CDC42BPA: variants seen among roughly 807,000 people sequenced by gnomAD.
CDC42BPA encodes CDC42 binding protein kinase alpha, also known as serine/threonine-protein kinase MRCK alpha.
A neutral mutation model predicts 223.5 loss-of-function variants in CDC42BPA; 80 were observed. The observed-to-expected ratio is 0.36, with a 90% CI of 0.30 to 0.43. The LOEUF (loss-of-function observed/expected upper bound fraction) is 0.43, where lower values mean the gene tolerates loss of function less well. CDC42BPA is among the 20% of genes least tolerant of loss of function. The pLI, the probability that CDC42BPA is intolerant of heterozygous loss-of-function variation, is 1.00. For missense variants in CDC42BPA, 1,743 were observed against 2,099.9 expected (o/e 0.83, Z 3.32); for synonymous variants, 694 against 718.6 (o/e 0.97, Z 0.55).
Position 227,175,802 on chromosome 1 carries a change from T to C in CDC42BPA, c.600-15166A>G, listed in dbSNP as rs1206732739. ...CAGGGCTCATCTTGTACACTTCCTATCTAGATCTTGAGTCAGCAATTTCTC... is the reference window on the plus strand; with the variant it reads ...CAGGGCTCATCTTGTACACTTCCTACCTAGATCTTGAGTCAGCAATTTCTC... On this transcript the variant is annotated intron_variant, in intron 5 of 36. Coordinates refer to ENST00000366766, the MANE Select transcript of CDC42BPA (RefSeq NM_001394014.1). Among the ~76,000 whole-genome samples the C allele has an allele frequency of 2.0e-5, 3 of 152,168 alleles. No individual in the cohort carries two copies. The East Asian group carries it at 5.8e-4, about 29-fold the overall frequency.
Position 226,994,788 on chromosome 1 carries a change from T to C in CDC42BPA, c.5133+35A>G. On this transcript the variant is annotated intron_variant, in intron 36 of 36. Coordinates refer to ENST00000366766, the MANE Select transcript of CDC42BPA (RefSeq NM_001394014.1). The surrounding 1 kb of genome is among the most constrained non-coding windows in gnomAD (Gnocchi z 4.0). ...GCCTGGGAAGATGCCCTAGTCTTTC[T>C]GATACATGACGTCTCCGGAACCCTG... 3 of 1,570,190 alleles carry C rather than the reference T, an allele frequency of 1.9e-6. No individual in the cohort carries two copies. The highest frequency in any genetic ancestry group is 2.3e-5 in the East Asian group (1 of 44,128).
rs540987563 is a variant in CDC42BPA at position 226,993,611 on chromosome 1, G to C, written c.*657C>G. The C allele has an allele frequency of 2.0e-5, 3 of 152,710 alleles. No individual in the cohort carries two copies. The highest frequency in any genetic ancestry group is 3.9e-4 in the East Asian group (2 of 5,188). The allele number at this position is 152,710 out of a possible 1,614,324, so 9.5% of individuals were successfully genotyped here. A position where few individuals can be genotyped will look rare whatever the true frequency, so the allele number is the denominator to read the frequency against. ...TTTCCACCCTTTACATTACATTACA[G>C]ACAAGAAACAACATATTTCTTTAAA... is the stretch of plus-strand genomic sequence containing the variant. On this transcript the variant is annotated 3_prime_UTR_variant, in exon 37 of 37. Coordinates refer to ENST00000366766, the MANE Select transcript of CDC42BPA (RefSeq NM_001394014.1).
At chr1:227,231,164 C>A (rs543903352) in intron 2 of CDC42BPA, among the ~76,000 whole-genome samples, 1 of 131,622 alleles carries the variant, frequency 7.6e-6, no homozygotes, top group African/African-American at 2.9e-5. Context: ...GGCCCCAGTG[C>A]GTGATGTTCC....
intron 21 of CDC42BPA, among the ~76,000 whole-genome samples, chr1:227,056,783 A>T (rs6696791): frequency 0.032 from 4,804 of 152,268 alleles, 225 homozygotes; most frequent in African/African-American, 0.11. Context: ...ATTGAGAACA[A>T]GTATAAACTC....
At chr1:227,199,360 G>A (rs983050271) in intron 4 of CDC42BPA, among the ~76,000 whole-genome samples, 197 bp downstream of exon 4, 1 of 151,636 alleles carries the variant, frequency 6.6e-6, no homozygotes, top group African/African-American at 2.4e-5. Flanking sequence ...TTATTAAAAA[G>A]CATAAAGAAT....
At position 227,112,843 on chromosome 1, in the gene CDC42BPA, T is replaced by C. The variant is rs1687153726; in HGVS notation, c.1718A>G (p.Lys573Arg). 1 of 1,614,112 alleles carries C rather than the reference T, an allele frequency of 6.2e-7. No individual in the cohort carries two copies. The highest frequency in any genetic ancestry group is 8.5e-7 in the Non-Finnish European group (1 of 1,179,972). The change falls in exon 13 of 37, where the codon AAA becomes AGA. Residue 573 changes from lysine to arginine, a missense_variant. Lys to Arg is a conservative substitution (Grantham distance 26, BLOSUM62 2). Coordinates refer to ENST00000366766, the MANE Select transcript of CDC42BPA (RefSeq NM_001394014.1). Reference protein sequence around the residue: ...KELKDAHCQRKLAMQEFMEIN... With the variant: ...KELKDAHCQRRLAMQEFMEIN... ...CTCCATGAATTCCTGCATGGCCAGTTTCCTCTGACAGTGTGCGTCTTTCAG... is the reference window on the plus strand; with the variant it reads ...CTCCATGAATTCCTGCATGGCCAGTCTCCTCTGACAGTGTGCGTCTTTCAG...
In CDC42BPA at chr1:227,236,834, G is replaced by A. The variant is rs551051943; in HGVS notation, c.270+17230C>T. On this transcript the variant is annotated intron_variant, in intron 2 of 36. Coordinates refer to ENST00000366766, the MANE Select transcript of CDC42BPA (RefSeq NM_001394014.1). ...TGTAATCCCAGCACTTTGGGAGACC[G>A]AGGTGTGAGACGAGCCTGGGCAACA... is the stretch of plus-strand genomic sequence containing the variant. 2.0e-4 allele frequency among the ~76,000 whole-genome samples: 31 copies of A among 152,116 alleles called. No individual in the cohort carries two copies. In the South Asian group the frequency reaches 3.9e-3, roughly 19 times the overall value.
chr1:227,318,293 C>CG lies in CDC42BPA; in HGVS notation c.-1112_-1111insC, dbSNP rs71180732. On this transcript the variant is annotated 5_prime_UTR_variant, in exon 1 of 37. Transcript: ENST00000366766. ...TTTCCACAGCGAGGAGGGAGGCGGC[C>CG]CGGCGCAGGAGGAGGGGTCGCTTCC... 153,033 of 153,040 alleles carry CG rather than the reference C, an allele frequency of 1. 76,513 individuals carry two copies. The highest frequency in any genetic ancestry group is 1 in the Middle Eastern group (296 of 296). 9.5% of individuals were successfully genotyped at this position (153,040 alleles called of 1,614,324 possible). A position where few individuals can be genotyped will look rare whatever the true frequency, so the allele number is the denominator to read the frequency against.
chr1:227,098,889 T>G (rs992989317), intron 15 of CDC42BPA, among the ~76,000 whole-genome samples: 1 of 152,068 alleles, frequency 6.6e-6, no homozygotes. Context: ...AATATAGTCA[T>G]GTAATGCATA....
At chr1:227,013,987 T>TA (rs927629497) in intron 34 of CDC42BPA, among the ~76,000 whole-genome samples, 4 of 152,128 alleles carry the variant, frequency 2.6e-5, no homozygotes, top group Non-Finnish European at 5.9e-5. Context: ...TATCACAATT[T>TA]AAAAAATTCT....
At chr1:227,119,455 T>C (rs1688285589) in intron 12 of CDC42BPA, among the ~76,000 whole-genome samples, 2 of 152,196 alleles carry the variant, frequency 1.3e-5, no homozygotes, top group South Asian at 4.1e-4. Context: ...TAAGTTATAA[T>C]GAAAATATGC....
At chr1:227,293,560 C>A (rs931008766) in intron 1 of CDC42BPA, among the ~76,000 whole-genome samples, 1 of 151,172 alleles carries the variant, frequency 6.6e-6, no homozygotes, top group Non-Finnish European at 1.5e-5. Context: ...TGCAGTGGCT[C>A]ACGCCTGTAA....
intron 3 of CDC42BPA, 54 bp downstream of exon 3, chr1:227,213,082 T>C: frequency 1.1e-6 from 1 of 923,792 alleles, no homozygotes; most frequent in South Asian, 1.7e-5. Context: ...AATTTTATAA[T>C]TCCTGAAAAA....
chr1:227,015,249 C>A (rs867144048), intron 34 of CDC42BPA, among the ~76,000 whole-genome samples: 1 of 151,950 alleles, frequency 6.6e-6, no homozygotes, highest in Middle Eastern at 3.4e-3. Flanking sequence ...CATGGTGAAA[C>A]CCCATCTCTA....
At chr1:227,264,031 T>C (rs757407813) in intron 1 of CDC42BPA, among the ~76,000 whole-genome samples, 14 of 152,336 alleles carry the variant, frequency 9.2e-5, no homozygotes, top group South Asian at 2.1e-4. Context: ...CTTTGGTCAG[T>C]GCAGAATATA....
intron 19 of CDC42BPA, among the ~76,000 whole-genome samples, chr1:227,072,749 G>C (rs1369675503): frequency 6.6e-6 from 1 of 152,016 alleles, no homozygotes; most frequent in Non-Finnish European, 1.5e-5. Context: ...ACAGGAGTAA[G>C]TTTATAATTT....
intron 22 of CDC42BPA, among the ~76,000 whole-genome samples, chr1:227,048,949 C>A (rs1572480599): frequency 6.6e-6 from 1 of 151,762 alleles, no homozygotes. Flanking sequence ...TCTTTGTTAC[C>A]ATACAACCTC....
intron 11 of CDC42BPA, 79 bp from the exon 12 acceptor site, chr1:227,120,016 T>A (rs949109237): frequency 5.3e-5 from 62 of 1,167,810 alleles, no homozygotes; most frequent in Middle Eastern, 2.4e-4. Flanking sequence ...AACTAAAATT[T>A]TTTTTAAAAT....
Position 227,261,120 on chromosome 1 carries a change from T to TTTTC in CDC42BPA, c.179-6969_179-6966dup, listed in dbSNP as rs796215905. On this transcript the variant is annotated intron_variant, in intron 1 of 36. Transcript: ENST00000366766. ...AAATTTTTTAACAGAATAATTGAGTTTTTCTTTTTTTTTGAGACAGAGTCT... is the reference window on the plus strand; with the variant it reads ...AAATTTTTTAACAGAATAATTGAGTTTTTCTTTCTTTTTTTTTGAGACAGAGTCT... Among the ~76,000 whole-genome samples the TTTTC allele has an allele frequency of 9.0e-4, 91 of 101,358 alleles. 4 individuals carry two copies. Among genetic ancestry groups the TTTTC allele is most frequent in the South Asian group, 2.3e-3 (6 of 2,638 alleles). 66.5% of individuals were successfully genotyped at this position (101,358 alleles called of 152,430 possible).
Sources: allele counts gnomAD v4.1 joint callset (sites outside exome capture counted in the v4.1 genomes callset), GRCh38; gene constraint gnomAD v4.1.1; non-coding constraint Gnocchi (gnomAD v3.1); transcripts MANE v1.5; gene names NCBI Gene and HGNC (gene_info 2026-07-23, HGNC 2026-07-21).